The following ATF6 variants were observed in gnomAD, a reference collection of about 807,000 sequenced individuals.
ATF6 encodes activating transcription factor 6, also known as cyclic AMP-dependent transcription factor ATF-6 alpha.
Under a neutral mutation model 83.6 loss-of-function variants are expected in ATF6, and 53 were observed. The observed-to-expected ratio is 0.63, with a 90% CI of 0.51 to 0.80. The LOEUF is 0.80. Among genes scored for constraint, ATF6 ranks in the 30% least tolerant of loss-of-function variants. The probability of loss-of-function intolerance (pLI) is 0.00; values close to 1 mark genes in which losing one functional copy is unlikely to be tolerated. For missense variants in ATF6, 744 were observed against 797.9 expected (o/e 0.93, Z 0.81); for synonymous variants, 288 against 285.8 (o/e 1.01, Z -0.08).
chr1:161,875,465 T>C (rs1391184546), intron 14 of ATF6, among the ~76,000 whole-genome samples: 1 of 151,870 alleles, frequency 6.6e-6, no homozygotes, highest in Non-Finnish European at 1.5e-5. Context: ...CATTTTATTA[T>C]GTATTAAAAT....
intron 14 of ATF6, among the ~76,000 whole-genome samples, chr1:161,887,577 G>A (rs1461780152): frequency 6.6e-6 from 1 of 152,156 alleles, no homozygotes; most frequent in Non-Finnish European, 1.5e-5. Flanking sequence ...AACTTTTATA[G>A]ACAGAGAAAT....
chr1:161,899,317 C>T (rs1394405582), intron 14 of ATF6, among the ~76,000 whole-genome samples: 1 of 152,214 alleles, frequency 6.6e-6, no homozygotes, highest in Non-Finnish European at 1.5e-5. Flanking sequence ...AATCTTTACA[C>T]TCTACAAGCC....
chr1:161,824,771 A>C (rs942693519), intron 9 of ATF6, among the ~76,000 whole-genome samples: 2 of 152,246 alleles, frequency 1.3e-5, no homozygotes, highest in African/African-American at 2.4e-5. Flanking sequence ...TTATTTATTT[A>C]GTCAGACATA....
intron 14 of ATF6, among the ~76,000 whole-genome samples, chr1:161,886,421 A>G (rs1687419785): frequency 6.6e-6 from 1 of 152,242 alleles, no homozygotes; most frequent in Admixed American, 6.5e-5. Context: ...TACATCACTT[A>G]GCAATGGGAT....
intron 9 of ATF6, among the ~76,000 whole-genome samples, chr1:161,830,122 G>A (rs955182005): frequency 1.3e-5 from 2 of 152,158 alleles, no homozygotes; most frequent in African/African-American, 4.8e-5. Context: ...AAATCAATGT[G>A]CAAAAATCAC....
At chr1:161,895,058 A>C (rs1319442400) in intron 14 of ATF6, among the ~76,000 whole-genome samples, 1 of 152,070 alleles carries the variant, frequency 6.6e-6, no homozygotes, top group Admixed American at 6.5e-5. Flanking sequence ...CAACATAGTG[A>C]AACCCTGTCT....
chr1:161,893,156 T>G (rs1687593940), intron 14 of ATF6, among the ~76,000 whole-genome samples: 1 of 151,794 alleles, frequency 6.6e-6, no homozygotes, highest in Admixed American at 6.6e-5. Flanking sequence ...AAACTTTATT[T>G]TCTTTCTTTC....
intron 14 of ATF6, among the ~76,000 whole-genome samples, chr1:161,879,805 C>A (rs1260741811): frequency 6.6e-6 from 1 of 152,014 alleles, no homozygotes; most frequent in African/African-American, 2.4e-5. Context: ...AAAGTATCAT[C>A]CCTCTCTTTC....
At chr1:161,933,758 A>G (rs1433256932) in intron 15 of ATF6, among the ~76,000 whole-genome samples, 3 of 152,220 alleles carry the variant, frequency 2.0e-5, no homozygotes, top group Admixed American at 6.5e-5. Flanking sequence ...ATCTCTGTCT[A>G]TGTTTCCAGT....
intron 9 of ATF6, among the ~76,000 whole-genome samples, chr1:161,826,723 C>A (rs1685909372): frequency 6.6e-6 from 1 of 152,002 alleles, no homozygotes; most frequent in Non-Finnish European, 1.5e-5. Flanking sequence ...ATCTTTGACA[C>A]CAACAAGGAA....
chr1:161,880,866 T>C (rs1687310519), intron 14 of ATF6, among the ~76,000 whole-genome samples: 1 of 152,138 alleles, frequency 6.6e-6, no homozygotes, highest in South Asian at 2.1e-4. Flanking sequence ...TTCCCACCAG[T>C]GGGAATAAGA....
chr1:161,832,143 A>G (rs907743192), intron 9 of ATF6, among the ~76,000 whole-genome samples: 2 of 152,170 alleles, frequency 1.3e-5, no homozygotes, highest in African/African-American at 2.4e-5. Context: ...AATATAAAAT[A>G]TATTAAAAGA....
At chr1:161,785,714 TG>T (rs1030983062) in intron 4 of ATF6, among the ~76,000 whole-genome samples, 2 of 152,052 alleles carry the variant, frequency 1.3e-5, no homozygotes, top group Admixed American at 6.5e-5. Flanking sequence ...TTTCAAGAGG[TG>T]GGATTGTTGA....
At chr1:161,867,050 G>A (rs918290536) in intron 14 of ATF6, among the ~76,000 whole-genome samples, 3 of 152,078 alleles carry the variant, frequency 2.0e-5, no homozygotes, top group African/African-American at 4.8e-5. Context: ...ATCCCAGCAC[G>A]TTGGGAGGCC....
At chr1:161,773,859 A>G (rs970062623) in intron 1 of ATF6, among the ~76,000 whole-genome samples, 2 of 152,208 alleles carry the variant, frequency 1.3e-5, no homozygotes, top group African/African-American at 4.8e-5. Context: ...GGAATGTTCT[A>G]TAAATATACG....
intron 14 of ATF6, among the ~76,000 whole-genome samples, chr1:161,870,668 A>G (rs1687102826): frequency 6.6e-6 from 1 of 151,818 alleles, no homozygotes; most frequent in Non-Finnish European, 1.5e-5. Context: ...TTGTCTCTAT[A>G]ACATTGCTAG....
At chr1:161,817,510 C>T (rs933177844) in intron 7 of ATF6, among the ~76,000 whole-genome samples, 6 of 151,826 alleles carry the variant, frequency 4.0e-5, no homozygotes, top group East Asian at 1.9e-4. Context: ...TTTGTATGTG[C>T]GTGCGTGTGT....
rs1557955129 is a variant in ATF6, at chr1:161,778,244, A to AAG, written c.83_84insAG (p.Asp28GlufsTer40). On this transcript the variant is annotated frameshift_variant and splice_region_variant, in exon 2 of 16. Transcript: ENST00000367942. LOFTEE classifies it high-confidence loss of function. The stretch of plus-strand genomic sequence containing the variant: ...TTCTATTCTTTTCCTTTGTCCAAAG[A>AAG]TTCTGCTCTCTTTGCTGAACTCGGT... 1.2e-6 allele frequency: 2 copies of AAG among 1,612,848 alleles called. No homozygotes were observed. Among genetic ancestry groups the AAG allele is most frequent in the Non-Finnish European group, 1.7e-6 (2 of 1,179,286 alleles).
chr1:161,947,515 A>G (rs572464571), intron 15 of ATF6, among the ~76,000 whole-genome samples: 2 of 152,216 alleles, frequency 1.3e-5, no homozygotes, highest in Admixed American at 6.5e-5. Context: ...GAGTTAGTTT[A>G]ATGAGAGTCT....
Sources: gnomAD v4.1 joint callset for allele counts (sites outside exome capture counted in the v4.1 genomes callset) on GRCh38, gnomAD v4.1.1 for gene constraint, MANE v1.5 for transcripts, NCBI Gene and HGNC (gene_info 2026-07-23, HGNC 2026-07-21) for gene names.